GRID2: variants seen among roughly 807,000 people sequenced by gnomAD.
GRID2 encodes glutamate ionotropic receptor delta type subunit 2, also known as glutamate receptor ionotropic, delta-2.
Under a neutral mutation model 114.8 loss-of-function variants are expected in GRID2, and 33 were observed. The observed-to-expected ratio is 0.29, with a 90% CI of 0.22 to 0.38. GRID2 has a LOEUF of 0.38. Among genes scored for constraint, GRID2 ranks in the 10% least tolerant of loss-of-function variants. The pLI, the probability that GRID2 is intolerant of heterozygous loss-of-function variation, is 1.00. For synonymous variants in GRID2, 505 were observed against 449.9 expected, an observed-to-expected ratio of 1.12 and a Z score of -1.55; for missense variants, 1,184 against 1,257.7, an observed-to-expected ratio of 0.94 and a Z score of 0.89.
chr4:92,775,615 T>C (rs1370389593), intron 2 of GRID2, among the ~76,000 whole-genome samples: 1 of 152,180 alleles, frequency 6.6e-6, no homozygotes, highest in Non-Finnish European at 1.5e-5. Context: ...GATACTGCCA[T>C]GCAAGTCTTA....
intron 13 of GRID2, among the ~76,000 whole-genome samples, chr4:93,545,527 G>C (rs1733128111): frequency 1.3e-5 from 2 of 152,174 alleles, no homozygotes; most frequent in Non-Finnish European, 2.9e-5. Flanking sequence ...ACAAGAAGCA[G>C]ATCGTGATTA....
At chr4:92,421,336 G>A (rs964972595) in intron 1 of GRID2, among the ~76,000 whole-genome samples, 3 of 152,026 alleles carry the variant, frequency 2.0e-5, no homozygotes, top group Non-Finnish European at 2.9e-5. Flanking sequence ...TGTGTTATAG[G>A]AATTAGACCT....
At chr4:92,481,704 A>C (rs549119502) in intron 1 of GRID2, among the ~76,000 whole-genome samples, 18 of 152,008 alleles carry the variant, frequency 1.2e-4, no homozygotes, top group African/African-American at 4.3e-4. Context: ...TTTTGGTTCC[A>C]GATGAATTTC....
chr4:92,512,222 A>C (rs1373222404), intron 1 of GRID2, among the ~76,000 whole-genome samples: 2 of 151,864 alleles, frequency 1.3e-5, no homozygotes, highest in Non-Finnish European at 1.5e-5. Context: ...CTAAGGCTGA[A>C]TAATATTTCA....
At chr4:92,743,124 A>G (rs1736973922) in intron 2 of GRID2, among the ~76,000 whole-genome samples, 1 of 152,146 alleles carries the variant, frequency 6.6e-6, no homozygotes, top group Non-Finnish European at 1.5e-5. Flanking sequence ...AAAACATACA[A>G]AAATTACCCT....
chr4:92,427,266 T>C (rs1732207198), intron 1 of GRID2, among the ~76,000 whole-genome samples: 2 of 152,178 alleles, frequency 1.3e-5, no homozygotes, highest in African/African-American at 4.8e-5. Context: ...TATCAGTATT[T>C]AGACGACATT....
intron 2 of GRID2, among the ~76,000 whole-genome samples, chr4:93,021,946 A>G (rs1048322030): frequency 6.6e-6 from 1 of 151,000 alleles, no homozygotes; most frequent in Non-Finnish European, 1.5e-5. Flanking sequence ...ATTTACATAA[A>G]CTTCATATTA....
chr4:92,505,186 C>A (rs1225399320), intron 1 of GRID2, among the ~76,000 whole-genome samples: 4 of 151,950 alleles, frequency 2.6e-5, no homozygotes, highest in Non-Finnish European at 5.9e-5. Context: ...TGGATTCTCT[C>A]TTCTGCAAAT....
chr4:93,376,644 A>G lies in GRID2; in HGVS notation c.1246-18963A>G, dbSNP rs554337620. On this transcript the variant is annotated intron_variant, in intron 8 of 15. Coordinates refer to ENST00000282020, the MANE Select transcript of GRID2 (RefSeq NM_001510.4). The stretch of plus-strand genomic sequence containing the variant: ...ACTATTCTAACTGTGCAGCTATGAA[A>G]AGGAATGAGATCATGTCCTTTTCAG... Among the ~76,000 whole-genome samples, 49 of 152,320 alleles carry G rather than the reference A, an allele frequency of 3.2e-4. No individual in the cohort carries two copies. In the South Asian group the frequency reaches 9.3e-3, roughly 29 times the overall value.
intron 1 of GRID2, among the ~76,000 whole-genome samples, chr4:93,804,443 A>G (rs1187803540): frequency 2.0e-5 from 3 of 152,194 alleles, no homozygotes; most frequent in Non-Finnish European, 2.9e-5. Context: ...CGCTGTACAG[A>G]ATACCGCAGG....
chr4:93,593,401 G>A (rs1482710776), intron 13 of GRID2, among the ~76,000 whole-genome samples: 1 of 133,190 alleles, frequency 7.5e-6, no homozygotes, highest in South Asian at 2.8e-4. Context: ...CTTCTGGCTT[G>A]TAGGGTTTCT....
rs534634896 is a variant in GRID2 at position 93,456,409 on chromosome 4, A to G, written c.1858+435A>G. On this transcript the variant is annotated intron_variant, in intron 11 of 15. Transcript: ENST00000282020. ...AGACATTATTTCATGCATTAAAAAT[A>G]TTGTCATTGAAAAGACTTTGGTTAA... 4.3e-4 allele frequency among the ~76,000 whole-genome samples: 66 copies of G among 152,340 alleles called. 1 individual carries two copies. Among genetic ancestry groups the G allele is most frequent in the Non-Finnish European group, 8.1e-4 (55 of 68,030 alleles).
At chr4:93,235,429 A>C (rs1746665873) in intron 7 of GRID2, among the ~76,000 whole-genome samples, 1 of 152,092 alleles carries the variant, frequency 6.6e-6, no homozygotes, top group Admixed American at 6.6e-5. Flanking sequence ...ATGACCATTC[A>C]TTACCCCTTG....
At chr4:92,596,583 C>T (rs1467255514) in intron 2 of GRID2, among the ~76,000 whole-genome samples, 1 of 151,894 alleles carries the variant, frequency 6.6e-6, no homozygotes. Context: ...GACTGGGCCA[C>T]AAGGTCTGGA....
intron 4 of GRID2, among the ~76,000 whole-genome samples, chr4:93,163,356 GTATATATATATA>G (rs57285537): frequency 1.5e-3 from 83 of 56,244 alleles, no homozygotes; most frequent in South Asian, 6.9e-3. Context: ...TTTTTTTTGT[GTATATATATATA>G]TATATATATA....
chr4:92,334,523 C>T (rs984909124), intron 1 of GRID2, among the ~76,000 whole-genome samples: 34 of 151,968 alleles, frequency 2.2e-4, no homozygotes, highest in Admixed American at 2.0e-3. Flanking sequence ...CTGCATCATC[C>T]CACGGCAGAA....
chr4:92,695,310 C>T (rs1472518426), intron 2 of GRID2, among the ~76,000 whole-genome samples: 1 of 152,010 alleles, frequency 6.6e-6, no homozygotes, highest in African/African-American at 2.4e-5. Flanking sequence ...TTAGAGAACT[C>T]ATTTAATTTT....
chr4:93,058,158 T>C (rs1727440806), intron 2 of GRID2, among the ~76,000 whole-genome samples: 1 of 152,008 alleles, frequency 6.6e-6, no homozygotes, highest in Non-Finnish European at 1.5e-5. Flanking sequence ...AATTTAATAA[T>C]ATGAATAACT....
At chr4:93,714,952 A>G (rs1489753934) in intron 14 of GRID2, among the ~76,000 whole-genome samples, 2 of 152,056 alleles carry the variant, frequency 1.3e-5, no homozygotes, top group African/African-American at 4.8e-5. Context: ...CCATTTGTCA[A>G]TTTTTGCTTT....
Sources: gnomAD v4.1 joint callset for allele counts (sites outside exome capture counted in the v4.1 genomes callset) on GRCh38, gnomAD v4.1.1 for gene constraint, MANE v1.5 for transcripts, NCBI Gene and HGNC (gene_info 2026-07-23, HGNC 2026-07-21) for gene names.